Variants in CA5B observed in about 807,000 individuals in gnomAD.
CA5B encodes the protein carbonic anhydrase 5B, mitochondrial.
Under a neutral mutation model 23.1 loss-of-function variants are expected in CA5B, and 15 were observed. The observed-to-expected ratio is 0.65, with a 90% CI of 0.43 to 1.00. The LOEUF (loss-of-function observed/expected upper bound fraction) is 1.00. CA5B is among the 50% of genes least tolerant of loss of function. The pLI is 0.00. For synonymous variants in CA5B, 84 were observed against 98.5 expected, an observed-to-expected ratio of 0.85 and a Z score of 0.87; for missense variants, 236 against 252.2, an observed-to-expected ratio of 0.94 and a Z score of 0.43.
At chrX:15,774,934 A>G (rs1467220200) in intron 5 of CA5B, among the ~76,000 whole-genome samples, 2 of 112,544 alleles carry the variant, frequency 1.8e-5, no homozygotes, top group Non-Finnish European at 3.8e-5. Context: ...AGCACTTGAA[A>G]TGTGTCTACT....
chrX:15,746,698 G>A (rs1052015561), intron 1 of CA5B, among the ~76,000 whole-genome samples: 5 of 111,351 alleles, frequency 4.5e-5, no homozygotes, highest in African/African-American at 1.6e-4. Flanking sequence ...ATAATTTCGC[G>A]GGTAAGGGCT....
intron 1 of CA5B, among the ~76,000 whole-genome samples, chrX:15,748,759 C>T (rs1446087175): frequency 1.2e-5 from 1 of 85,070 alleles, no homozygotes. Context: ...ATAAAGTTAG[C>T]CAGGGATGGT....
At chrX:15,776,909 T>C (rs780100586) in intron 7 of CA5B, 40 bp downstream of exon 7, 8 of 1,125,378 alleles carry the variant, frequency 7.1e-6, no homozygotes, top group Non-Finnish European at 9.7e-6. Context: ...GAAATCCTTG[T>C]CTGCCCATGT....
Position 15,771,106 on chromosome X carries a change from G to A in CA5B, c.341-1390G>A, listed in dbSNP as rs745626640. Among the ~76,000 whole-genome samples, 604 of 100,114 alleles carry A rather than the reference G, an allele frequency of 6.0e-3. 3 individuals are homozygous for A. The highest frequency in any genetic ancestry group is 8.0e-3 in the Non-Finnish European group (397 of 49,865). 86.9% of individuals were successfully genotyped at this position (100,114 alleles called of 115,157 possible). A position where few individuals can be genotyped will look rare whatever the true frequency, so the allele number is the denominator to read the frequency against. Reference sequence around the variant, plus strand: ...CTGGGCCAGCCGCAGTGGCTCAACTGCCTGTAATCCCAGCACTTTGGGAGG... The same window carrying A: ...CTGGGCCAGCCGCAGTGGCTCAACTACCTGTAATCCCAGCACTTTGGGAGG... On this transcript the variant is annotated intron_variant, in intron 3 of 7. Coordinates refer to ENST00000318636, the MANE Select transcript of CA5B (RefSeq NM_007220.4).
chrX:15,739,024 A>C (rs758538982), intron 1 of CA5B, among the ~76,000 whole-genome samples: 18 of 111,963 alleles, frequency 1.6e-4, no homozygotes, highest in Non-Finnish European at 3.4e-4. Context: ...TCCAAATACA[A>C]ACCTTGTTGG....
chrX:15,749,638 G>A (rs1931316897), intron 1 of CA5B, among the ~76,000 whole-genome samples: 1 of 110,083 alleles, frequency 9.1e-6, no homozygotes, highest in Non-Finnish European at 1.9e-5. Context: ...GGGATTTCCT[G>A]GAGCAATTTT....
chrX:15,780,534 A>T (rs1048432697), intron 7 of CA5B, among the ~76,000 whole-genome samples: 5 of 111,631 alleles, frequency 4.5e-5, no homozygotes, highest in African/African-American at 1.6e-4. Flanking sequence ...GGCCTCCCAA[A>T]GTGCTGGGAT....
At chrX:15,762,337 C>T (rs1931620821) in intron 2 of CA5B, among the ~76,000 whole-genome samples, 1 of 110,987 alleles carries the variant, frequency 9.0e-6, no homozygotes, top group Admixed American at 9.6e-5. Flanking sequence ...TCTGCTCTGT[C>T]AGAGTAAACC....
chrX:15,774,768 G>A (rs901486586), intron 5 of CA5B, among the ~76,000 whole-genome samples: 1 of 111,653 alleles, frequency 9.0e-6, no homozygotes, highest in African/African-American at 3.3e-5. Flanking sequence ...AGCCTGGGAG[G>A]TGGAGGCTGC....
At chrX:15,778,624 A>G (rs1355602125) in intron 7 of CA5B, among the ~76,000 whole-genome samples, 6 of 112,031 alleles carry the variant, frequency 5.4e-5, no homozygotes, top group Non-Finnish European at 1.1e-4. Flanking sequence ...TAATTTATGA[A>G]GAAAGGAGGT....
At chrX:15,765,005 C>A in intron 3 of CA5B, 1 of 419,048 alleles carries the variant, frequency 2.4e-6, no homozygotes, top group Non-Finnish European at 4.0e-6. Flanking sequence ...ATCTCTATCT[C>A]TCTATGTATA....
Position 15,750,432 on chromosome X carries a change from G to C in CA5B, c.142+267G>C, listed in dbSNP as rs184104797. 7.8e-4 allele frequency: 195 copies of C among 248,685 alleles called. 1 individual carries two copies. The East Asian group carries it at 8.8e-3, about 11-fold the overall frequency. The allele number at this position is 248,685 out of a possible 1,213,427, so 20.5% of individuals were successfully genotyped here. On this transcript the variant is annotated intron_variant, in intron 2 of 7. Transcript: ENST00000318636. ...AAGTAAATGTAGAATGTTCTTTCTT[G>C]ACTAATTTTAGCATGTTAAAATGAT...
At chrX:15,781,781 A>G (rs1156936951) in intron 7 of CA5B, among the ~76,000 whole-genome samples, 4 of 110,965 alleles carry the variant, frequency 3.6e-5, no homozygotes, top group African/African-American at 1.3e-4. Context: ...TGGGTGTGGC[A>G]GCATGTGCCT....
intron 3 of CA5B, 35 bp from the exon 4 acceptor site, chrX:15,772,461 A>G: frequency 1.0e-6 from 1 of 1,001,366 alleles, no homozygotes; most frequent in Non-Finnish European, 1.4e-6. Flanking sequence ...CTGCACAAAT[A>G]ACTCTTCCCT....
intron 3 of CA5B, among the ~76,000 whole-genome samples, chrX:15,771,383 A>T (rs1277240891): frequency 1.0e-5 from 1 of 95,250 alleles, no homozygotes; most frequent in African/African-American, 3.8e-5. Flanking sequence ...AAAAAAAAAA[A>T]CACTTGTCAA....
chrX:15,746,022 CTTTTT>C (rs11304971), intron 1 of CA5B, among the ~76,000 whole-genome samples: 592 of 53,370 alleles, frequency 0.011, 3 homozygotes, highest in African/African-American at 0.037. Context: ...GCGTCAACTT[CTTTTT>C]TTTTTTTTTT....
rs1008006002 is a variant in CA5B, at chrX:15,786,644, A to G, written c.*3980A>G. The G allele has an allele frequency of 2.3e-5, 2 of 87,653 alleles. No homozygotes were observed. The highest frequency in any genetic ancestry group is 2.3e-5 in the Non-Finnish European group (1 of 43,728). The allele number at this position is 87,653 out of a possible 1,213,427, so 7.2% of individuals were successfully genotyped here. A position where few individuals can be genotyped will look rare whatever the true frequency, so the allele number is the denominator to read the frequency against. On this transcript the variant is annotated 3_prime_UTR_variant, in exon 8 of 8. Transcript: ENST00000318636. ...TTCTTTACAGTATTAGTGGTTGGTGAAAGACTTCCTTCCTATTGTTACAGT... is the reference window on the plus strand; with the variant it reads ...TTCTTTACAGTATTAGTGGTTGGTGGAAGACTTCCTTCCTATTGTTACAGT...
chrX:15,745,183 A>AGAAAG (rs759949090), intron 1 of CA5B, among the ~76,000 whole-genome samples: 2 of 86,778 alleles, frequency 2.3e-5, no homozygotes, highest in Non-Finnish European at 4.5e-5. Flanking sequence ...AAAAAAAAAA[A>AGAAAG]AAAAGAAAAG....
chrX:15,779,673 A>C lies in CA5B; in HGVS notation c.774+2804A>C, dbSNP rs187003705. On this transcript the variant is annotated intron_variant, in intron 7 of 7. Transcript: ENST00000318636. Reference sequence around the variant, plus strand: ...CATCATTCAGACCTTACACAGGAATACATTCCAGATATATTACATGTAAAA... The same window carrying C: ...CATCATTCAGACCTTACACAGGAATCCATTCCAGATATATTACATGTAAAA... 2.7e-5 allele frequency among the ~76,000 whole-genome samples: 3 copies of C among 111,733 alleles called. No homozygotes were observed. In the East Asian group the frequency reaches 8.4e-4, roughly 31 times the overall value.
Sources: gnomAD v4.1 joint callset for allele counts (sites outside exome capture counted in the v4.1 genomes callset) on GRCh38, gnomAD v4.1.1 for gene constraint, MANE v1.5 for transcripts, NCBI Gene and HGNC (gene_info 2026-07-23, HGNC 2026-07-21) for gene names.